Variants in PTPDC1 observed in about 807,000 individuals in gnomAD.
PTPDC1 encodes protein tyrosine phosphatase domain containing 1, also known as protein tyrosine phosphatase domain-containing protein 1.
PTPDC1 carries 53 observed loss-of-function variants against 75.3 expected under a neutral mutation model. The observed-to-expected ratio is 0.70, with a 90% CI of 0.56 to 0.88. PTPDC1 has a LOEUF of 0.88. Ranked by LOEUF, PTPDC1 falls within the 40% of genes least tolerant of loss-of-function variation. The pLI is 0.00. For synonymous variants in PTPDC1, 349 were observed against 366.2 expected (o/e 0.95, Z 0.54); for missense variants, 925 against 998.6 (o/e 0.93, Z 0.99).
chr9:94,073,086 A>T (rs2117912387), intron 2 of PTPDC1, among the ~76,000 whole-genome samples: 1 of 152,262 alleles, frequency 6.6e-6, no homozygotes, highest in African/African-American at 2.4e-5. Context: ...CATTGTGGAA[A>T]ATTGGTGCCC....
At chr9:94,049,084 G>A (rs1208431911) in intron 1 of PTPDC1, among the ~76,000 whole-genome samples, 1 of 151,466 alleles carries the variant, frequency 6.6e-6, no homozygotes, top group Non-Finnish European at 1.5e-5. Context: ...CTTTTATTTT[G>A]AGCCTATGTG....
chr9:94,073,516 C>G (rs1826583765), intron 2 of PTPDC1, among the ~76,000 whole-genome samples: 1 of 151,976 alleles, frequency 6.6e-6, no homozygotes, highest in African/African-American at 2.4e-5. Flanking sequence ...AGAGGTTTAT[C>G]AATTTTATTA....
intron 5 of PTPDC1, 65 bp downstream of exon 5, chr9:94,095,519 T>A: frequency 7.6e-7 from 1 of 1,312,394 alleles, no homozygotes; most frequent in South Asian, 1.3e-5. Flanking sequence ...TAAGATTTCC[T>A]AATTTGAGGG....
At chr9:94,057,749 T>C (rs186064920) in intron 1 of PTPDC1, among the ~76,000 whole-genome samples, 1 of 152,320 alleles carries the variant, frequency 6.6e-6, no homozygotes, top group African/African-American at 2.4e-5. Context: ...ATTTGAAATA[T>C]AATTTTTGAT....
intron 8 of PTPDC1, among the ~76,000 whole-genome samples, chr9:94,105,808 AAG>A (rs1362040310): frequency 6.6e-6 from 1 of 151,394 alleles, no homozygotes; most frequent in African/African-American, 2.4e-5. Context: ...CTCTACTAAA[AAG>A]AAATACAAAA....
intron 4 of PTPDC1, among the ~76,000 whole-genome samples, chr9:94,090,400 C>T (rs138667553): frequency 1.3e-5 from 2 of 150,980 alleles, no homozygotes; most frequent in East Asian, 1.9e-4. Context: ...AGATATGTGG[C>T]GTTATTTCTG....
chr9:94,051,156 T>A (rs1191620940), intron 1 of PTPDC1, among the ~76,000 whole-genome samples: 1 of 152,232 alleles, frequency 6.6e-6, no homozygotes, highest in South Asian at 2.1e-4. Context: ...CCCCTTGCAC[T>A]TCCCGGGTGA....
intron 1 of PTPDC1, among the ~76,000 whole-genome samples, chr9:94,034,924 A>G (rs541830219): frequency 6.6e-6 from 1 of 152,318 alleles, no homozygotes; most frequent in South Asian, 2.1e-4. Flanking sequence ...TAATTAATAT[A>G]TTCATCACCT....
rs1326017280 is a variant in PTPDC1, at chr9:94,050,191, T to C, written c.-6-14543T>C. On this transcript the variant is annotated intron_variant, in intron 1 of 9. Transcript: ENST00000375360. ...CCTTTAGCTCGGAGTAGTTTGATCA[T>C]CTGAAGCCTTCTTCTCTCAGCTCAT... is the stretch of plus-strand genomic sequence containing the variant. 3.9e-5 allele frequency among the ~76,000 whole-genome samples: 6 copies of C among 152,252 alleles called. No homozygotes were observed. The South Asian group carries it at 1.0e-3, about 26-fold the overall frequency.
chr9:94,057,086 T>C (rs965917724), intron 1 of PTPDC1, among the ~76,000 whole-genome samples: 1 of 152,156 alleles, frequency 6.6e-6, no homozygotes, highest in Non-Finnish European at 1.5e-5. Context: ...GCTTAGCCAT[T>C]ACTAACATTT....
At chr9:94,040,383 A>G (rs539866663) in intron 1 of PTPDC1, among the ~76,000 whole-genome samples, 10 of 152,270 alleles carry the variant, frequency 6.6e-5, no homozygotes, top group Admixed American at 2.6e-4. Flanking sequence ...AACCTATCCC[A>G]TGAACAAATG....
intron 2 of PTPDC1, among the ~76,000 whole-genome samples, chr9:94,069,482 A>G (rs1826434821): frequency 6.6e-6 from 1 of 151,292 alleles, no homozygotes; most frequent in Non-Finnish European, 1.5e-5. Flanking sequence ...TTCTGTCTAT[A>G]TATATTGAAA....
At chr9:94,031,089 C>A in exon 1 of PTPDC1, 1 of 152,264 alleles carries the variant, frequency 6.6e-6, no homozygotes, top group East Asian at 1.9e-4. Flanking sequence ...CTGCTGACCC[C>A]AGCCGGCGCC....
intron 1 of PTPDC1, among the ~76,000 whole-genome samples, chr9:94,054,328 A>G (rs986962415): frequency 9.2e-5 from 14 of 152,148 alleles, no homozygotes; most frequent in Admixed American, 7.9e-4. Flanking sequence ...GAATAGACTG[A>G]CTTACATATT....
chr9:94,038,155 TC>T, intron 1 of PTPDC1: 1 of 642,254 alleles, frequency 1.6e-6, no homozygotes. Context: ...AGAAGACAGG[TC>T]AGGCCGTTGG....
chr9:94,103,171 G>C (rs549714687), intron 7 of PTPDC1, among the ~76,000 whole-genome samples: 1 of 152,314 alleles, frequency 6.6e-6, no homozygotes, highest in East Asian at 1.9e-4. Context: ...TATCTTTTAA[G>C]AAGTGATTTT....
chr9:94,068,130 C>A (rs1473513193), intron 2 of PTPDC1, among the ~76,000 whole-genome samples: 1 of 151,858 alleles, frequency 6.6e-6, no homozygotes, highest in Non-Finnish European at 1.5e-5. Flanking sequence ...CTCAGGATGC[C>A]CAGGCTGTAT....
chr9:94,058,641 A>T (rs528624608), intron 1 of PTPDC1, among the ~76,000 whole-genome samples: 1 of 152,056 alleles, frequency 6.6e-6, no homozygotes, highest in South Asian at 2.1e-4. Context: ...TGGAGGGGGA[A>T]GTTGCAGTGA....
At position 94,038,474 on chromosome 9, in the gene PTPDC1, A is replaced by G. The variant is rs1825341434; in HGVS notation, c.-7+7347A>G. The G allele has an allele frequency of 1.1e-5, 3 of 272,102 alleles. No homozygotes were observed. The South Asian group carries it at 1.8e-4, about 16-fold the overall frequency. 16.9% of individuals were successfully genotyped at this position (272,102 alleles called of 1,614,324 possible). ...CAGAATATTTTATTGGGCCGTCCTGATTTAAAACTGATTTAAGACTGGCTT... is the reference window on the plus strand; with the variant it reads ...CAGAATATTTTATTGGGCCGTCCTGGTTTAAAACTGATTTAAGACTGGCTT... On this transcript the variant is annotated intron_variant, in intron 1 of 9. Coordinates refer to the PTPDC1 transcript ENST00000375360.
Sources: allele counts gnomAD v4.1 joint callset (sites outside exome capture counted in the v4.1 genomes callset), GRCh38; gene constraint gnomAD v4.1.1; transcripts MANE v1.5; gene names NCBI Gene and HGNC (gene_info 2026-07-23, HGNC 2026-07-21).